The following HECW1 variants were observed in gnomAD, a reference collection of about 807,000 sequenced individuals.
HECW1 encodes the protein HECT, C2 and WW domain containing E3 ubiquitin protein ligase 1, also known as E3 ubiquitin-protein ligase HECW1.
A neutral mutation model predicts 182.3 loss-of-function variants in HECW1; 61 were observed. The ratio of observed to expected loss-of-function variants is 0.33; its 90% CI spans 0.27 to 0.41. HECW1 has a LOEUF of 0.41. HECW1 is among the 10% of genes least tolerant of loss of function. The probability of loss-of-function intolerance (pLI) is 1.00; values close to 1 mark genes in which losing one functional copy is unlikely to be tolerated. For synonymous variants in HECW1, 859 were observed against 832.6 expected (o/e 1.03, Z -0.55); for missense variants, 1,739 against 2,108.9 (o/e 0.82, Z 3.44).
chr7:43,414,946 G>C (rs1171757032), intron 8 of HECW1, among the ~76,000 whole-genome samples: 1 of 152,046 alleles, frequency 6.6e-6, no homozygotes, highest in Non-Finnish European at 1.5e-5. Context: ...GCCCGGCTTT[G>C]GTATCAGAAT....
chr7:43,297,809 C>G lies in HECW1; in HGVS notation c.28-13954C>G, dbSNP rs946219718. Among the ~76,000 whole-genome samples the G allele has an allele frequency of 3.9e-4, 60 of 152,284 alleles. 1 individual carries two copies. Among genetic ancestry groups the G allele is most frequent in the East Asian group, 2.1e-3 (11 of 5,190 alleles). ...AAATTGGGTCAGGCATGGTGGCTCA[C>G]GCCTATACTCCCAGCACTTTGAGAG... On this transcript the variant is annotated intron_variant, in intron 3 of 29. Coordinates refer to ENST00000395891, the MANE Select transcript of HECW1 (RefSeq NM_015052.5).
intron 3 of HECW1, among the ~76,000 whole-genome samples, chr7:43,292,804 A>C (rs1238817776): frequency 6.6e-6 from 1 of 152,242 alleles, no homozygotes; most frequent in Non-Finnish European, 1.5e-5. Context: ...AGTACAAGGC[A>C]AAATCTGGAT....
chr7:43,176,810 T>G (rs537417939), intron 2 of HECW1, among the ~76,000 whole-genome samples: 1 of 152,272 alleles, frequency 6.6e-6, no homozygotes, highest in African/African-American at 2.4e-5. Flanking sequence ...TACCACTATG[T>G]GATGTTCTAG....
chr7:43,375,308 G>A (rs1220443627), intron 6 of HECW1, among the ~76,000 whole-genome samples: 2 of 151,924 alleles, frequency 1.3e-5, no homozygotes, highest in African/African-American at 4.8e-5. Context: ...AAAAAAAATA[G>A]TTCTCTACTG....
At chr7:43,175,119 T>C (rs1315675679) in intron 2 of HECW1, among the ~76,000 whole-genome samples, 1 of 151,996 alleles carries the variant, frequency 6.6e-6, no homozygotes, top group East Asian at 1.9e-4. Context: ...TAAGTTGAGG[T>C]ATAAGTTTTT....
intron 2 of HECW1, among the ~76,000 whole-genome samples, chr7:43,163,429 G>T (rs1362205508): frequency 1.3e-5 from 2 of 152,182 alleles, no homozygotes; most frequent in Non-Finnish European, 2.9e-5. Flanking sequence ...GTTCTGTCCG[G>T]GGGGAGGTGC....
intron 3 of HECW1, among the ~76,000 whole-genome samples, chr7:43,299,463 C>G (rs1439299749): frequency 6.6e-6 from 1 of 152,122 alleles, no homozygotes; most frequent in Non-Finnish European, 1.5e-5. Context: ...TGTCCAAAAT[C>G]CCACAGCAGA....
At chr7:43,360,638 G>A (rs1815750365) in intron 5 of HECW1, among the ~76,000 whole-genome samples, 1 of 152,198 alleles carries the variant, frequency 6.6e-6, no homozygotes, top group African/African-American at 2.4e-5. Flanking sequence ...TAGGATGGAT[G>A]CTGAGAAGTC....
intron 2 of HECW1, among the ~76,000 whole-genome samples, chr7:43,196,424 T>C (rs1392228688): frequency 6.6e-6 from 1 of 152,196 alleles, no homozygotes; most frequent in African/African-American, 2.4e-5. Context: ...GTGTCTAGGG[T>C]TTATTGCATT....
chr7:43,407,428 G>C, intron 7 of HECW1, 134 bp from the exon 8 acceptor site: 1 of 638,226 alleles, frequency 1.6e-6, no homozygotes. Flanking sequence ...ACCCCAGCCT[G>C]TTTACCTGCC....
Position 43,479,630 on chromosome 7 carries a change from C to A in HECW1, c.3120C>A (p.Asn1040Lys). The part of the protein sequence containing the change: ...QQGKSFFVDH[N>K]SRATTFIDPR... The stretch of plus-strand genomic sequence containing the variant: ...CGCAGTCTTTTTTCGTGGACCACAA[C>A]AGTCGAGCTACCACTTTCATTGACC... Residue 1040 changes from asparagine to lysine, a missense_variant, in exon 17 of 30, where the codon AAC (asparagine) becomes AAA (lysine). Coordinates refer to ENST00000395891, the MANE Select transcript of HECW1 (RefSeq NM_015052.5). 1 of 1,614,098 alleles carries A rather than the reference C, an allele frequency of 6.2e-7. No individual in the cohort carries two copies. The highest frequency in any genetic ancestry group is 8.5e-7 in the Non-Finnish European group (1 of 1,180,010).
At chr7:43,187,328 C>A (rs953529020) in intron 2 of HECW1, among the ~76,000 whole-genome samples, 5 of 143,338 alleles carry the variant, frequency 3.5e-5, no homozygotes, top group Non-Finnish European at 7.8e-5. Context: ...CTAAGTGCAG[C>A]CTTTCAAGTG....
chr7:43,308,557 A>C (rs970631841), intron 3 of HECW1, among the ~76,000 whole-genome samples: 3 of 151,520 alleles, frequency 2.0e-5, no homozygotes, highest in Non-Finnish European at 4.4e-5. Context: ...TCCTTCCTAC[A>C]TAACTTTGTG....
intron 3 of HECW1, among the ~76,000 whole-genome samples, chr7:43,254,905 C>G (rs1000701891): frequency 1.3e-5 from 2 of 152,302 alleles, no homozygotes; most frequent in African/African-American, 4.8e-5. Flanking sequence ...TTGAATCACC[C>G]CCACTAGGGG....
At chr7:43,481,698 G>A (rs1459914615) in intron 17 of HECW1, among the ~76,000 whole-genome samples, 1 of 152,062 alleles carries the variant, frequency 6.6e-6, no homozygotes, top group African/African-American at 2.4e-5. Flanking sequence ...TTAAGAACTA[G>A]CTGGGGCCAG....
chr7:43,450,676 A>T (rs1177648466), intron 11 of HECW1, 152 bp from the exon 12 acceptor site: 8 of 610,412 alleles, frequency 1.3e-5, no homozygotes, highest in African/African-American at 3.7e-5. Context: ...CTCACGAATG[A>T]CTGTGAATGT....
rs1044708684 is a variant in HECW1 at position 43,242,819 on chromosome 7, C to T, written c.-31-1056C>T. On this transcript the variant is annotated intron_variant, in intron 2 of 29. Coordinates refer to ENST00000395891, the MANE Select transcript of HECW1 (RefSeq NM_015052.5). ...GGAAGCCAGTGGCTGTGGCAGGGAG[C>T]GGGAAGGAGCAAGGGTGCTGCACGG... is the stretch of plus-strand genomic sequence containing the variant. Among the ~76,000 whole-genome samples the T allele has an allele frequency of 9.3e-4, 142 of 152,174 alleles. 1 individual carries two copies. Among genetic ancestry groups the T allele is most frequent in the African/African-American group, 3.3e-3 (136 of 41,486 alleles).
At chr7:43,195,698 G>T (rs1393724324) in intron 2 of HECW1, among the ~76,000 whole-genome samples, 1 of 152,156 alleles carries the variant, frequency 6.6e-6, no homozygotes, top group Non-Finnish European at 1.5e-5. Context: ...CATGAAAGTT[G>T]GGAGATTTAT....
intron 6 of HECW1, among the ~76,000 whole-genome samples, chr7:43,361,826 T>TG (rs1319722751): frequency 4.7e-4 from 70 of 148,098 alleles, no homozygotes; most frequent in Non-Finnish European, 8.7e-4. Context: ...TTTTTTTTTT[T>TG]TTTTTTTTTT....
Sources: allele counts gnomAD v4.1 joint callset (sites outside exome capture counted in the v4.1 genomes callset), GRCh38; gene constraint gnomAD v4.1.1; transcripts MANE v1.5; gene names NCBI Gene and HGNC (gene_info 2026-07-23, HGNC 2026-07-21).